The following SELENOI variants were observed in gnomAD, a reference collection of about 807,000 sequenced individuals.
SELENOI encodes the protein ethanolaminephosphotransferase 1.
SELENOI carries 24 observed loss-of-function variants against 50.7 expected under a neutral mutation model. That is an observed-to-expected ratio of 0.47 (90% confidence interval 0.34 to 0.67). The LOEUF (loss-of-function observed/expected upper bound fraction) is 0.67, where lower values mean the gene tolerates loss of function less well. SELENOI is among the 30% of genes least tolerant of loss of function. The probability of loss-of-function intolerance (pLI) is 0.01; values close to 1 mark genes in which losing one functional copy is unlikely to be tolerated. For missense variants in SELENOI, 352 were observed against 461.4 expected (o/e 0.76, Z 2.17); for synonymous variants, 155 against 170.2 (o/e 0.91, Z 0.70).
chr2:26,371,825 C>G (rs949901378), intron 4 of SELENOI, among the ~76,000 whole-genome samples: 2 of 151,940 alleles, frequency 1.3e-5, no homozygotes, highest in African/African-American at 4.8e-5. Flanking sequence ...AGTCCAGCTT[C>G]GGCTCGGCAT....
intron 6 of SELENOI, among the ~76,000 whole-genome samples, chr2:26,380,401 C>T (rs1044351195): frequency 6.6e-6 from 1 of 151,646 alleles, no homozygotes. Flanking sequence ...TGCCTTTTTT[C>T]CTCCCCCCTC....
chr2:26,366,485 A>G (rs1008519249), intron 3 of SELENOI, among the ~76,000 whole-genome samples: 2 of 152,202 alleles, frequency 1.3e-5, no homozygotes, highest in Non-Finnish European at 1.5e-5. Context: ...CCCAAATCAT[A>G]TAAGTTCAAG....
At chr2:26,362,216 C>A (rs1476144551) in intron 1 of SELENOI, among the ~76,000 whole-genome samples, 1 of 151,820 alleles carries the variant, frequency 6.6e-6, no homozygotes, top group East Asian at 2.0e-4. Context: ...AGTACAGGCA[C>A]CTGCCACCGT....
chr2:26,386,278 A>G (rs1677840264), intron 8 of SELENOI, 76 bp from the exon 9 acceptor site: 2 of 1,381,158 alleles, frequency 1.4e-6, no homozygotes, highest in Non-Finnish European at 2.0e-6. Context: ...CAAATGTTGG[A>G]AAGACTAGTT....
rs1176741927 is a variant in SELENOI, at chr2:26,393,560, A to T, written c.*4457A>T. On this transcript the variant is annotated 3_prime_UTR_variant, in exon 10 of 10. Coordinates refer to ENST00000260585, the MANE Select transcript of SELENOI (RefSeq NM_033505.4). ...CCCAGAATTGGAAGGTGCCACATAT[A>T]CTTTTAGAATATTTTAACAAAGGCT... 1 of 152,180 alleles carries T rather than the reference A, an allele frequency of 6.6e-6. No individual in the cohort carries two copies. Among genetic ancestry groups the T allele is most frequent in the Non-Finnish European group, 1.5e-5 (1 of 68,038 alleles). 9.4% of individuals were successfully genotyped at this position (152,180 alleles called of 1,614,324 possible).
chr2:26,352,975 A>G (rs1024549772), intron 1 of SELENOI, among the ~76,000 whole-genome samples: 1 of 152,024 alleles, frequency 6.6e-6, no homozygotes, highest in Non-Finnish European at 1.5e-5. Context: ...CTACCAATGC[A>G]TATGCTTTAT....
intron 1 of SELENOI, among the ~76,000 whole-genome samples, chr2:26,349,205 C>T (rs905312582): frequency 2.0e-5 from 3 of 150,796 alleles, no homozygotes; most frequent in East Asian, 1.9e-4. Flanking sequence ...AGTAGCGGTG[C>T]ATTTCTCCAT....
chr2:26,350,074 T>C (rs1676923719), intron 1 of SELENOI, among the ~76,000 whole-genome samples: 1 of 151,802 alleles, frequency 6.6e-6, no homozygotes, highest in South Asian at 2.1e-4. Context: ...GCCACTGTTT[T>C]GCAGCCTGAG....
At position 26,388,876 on chromosome 2, in the gene SELENOI, A is replaced by G. The variant is rs555786575; in HGVS notation, c.1096-129A>G. On this transcript the variant is annotated intron_variant, in intron 9 of 9. Coordinates refer to ENST00000260585, the MANE Select transcript of SELENOI (RefSeq NM_033505.4). ...TCTATAGCTATCCTAATCCAGAAAA[A>G]CCTTTTCAGTATTTCTCATGATTTT... 141 of 702,412 alleles carry G rather than the reference A, an allele frequency of 2.0e-4. No homozygotes were observed. In the African/African-American group the frequency reaches 2.3e-3, roughly 12 times the overall value. 43.5% of individuals were successfully genotyped at this position (702,412 alleles called of 1,614,324 possible).
chr2:26,375,493 A>T (rs1245498764), intron 6 of SELENOI, among the ~76,000 whole-genome samples: 2 of 152,258 alleles, frequency 1.3e-5, no homozygotes, highest in Non-Finnish European at 2.9e-5. Flanking sequence ...ACTAGTTTGT[A>T]TGAAATACAG....
At chr2:26,360,127 C>T (rs1342649244) in intron 1 of SELENOI, among the ~76,000 whole-genome samples, 1 of 152,144 alleles carries the variant, frequency 6.6e-6, no homozygotes, top group Admixed American at 6.5e-5. Flanking sequence ...ATTAACAAAC[C>T]CAAATCTAGT....
At chr2:26,382,595 C>T (rs1300697610) in intron 6 of SELENOI, among the ~76,000 whole-genome samples, 1 of 152,178 alleles carries the variant, frequency 6.6e-6, no homozygotes, top group African/African-American at 2.4e-5. Context: ...ATAGTGAGGA[C>T]AGCAGAATCA....
chr2:26,373,265 G>T, intron 4 of SELENOI, 102 bp from the exon 5 acceptor site: 1 of 1,357,822 alleles, frequency 7.4e-7, no homozygotes, highest in Non-Finnish European at 1.0e-6. Flanking sequence ...ACATTCCTGT[G>T]ATAAGCTGAT....
intron 6 of SELENOI, among the ~76,000 whole-genome samples, chr2:26,376,340 A>C (rs1036885635): frequency 1.2e-4 from 19 of 152,166 alleles, no homozygotes; most frequent in African/African-American, 4.6e-4. Flanking sequence ...CTTTACCTCA[A>C]AAATGCTATT....
intron 6 of SELENOI, among the ~76,000 whole-genome samples, chr2:26,382,115 C>CAT (rs1677718562): frequency 6.6e-6 from 1 of 152,146 alleles, no homozygotes; most frequent in Admixed American, 6.5e-5. Context: ...TAGTTCAACC[C>CAT]ATCCCCATTG....
At chr2:26,361,094 G>C (rs1053098884) in intron 1 of SELENOI, among the ~76,000 whole-genome samples, 1 of 152,148 alleles carries the variant, frequency 6.6e-6, no homozygotes, top group African/African-American at 2.4e-5. Context: ...GGCGCCTATA[G>C]TCCTAGCTAC....
Position 26,389,979 on chromosome 2 carries a change from C to T in SELENOI, c.*876C>T, listed in dbSNP as rs1365721841. On this transcript the variant is annotated 3_prime_UTR_variant, in exon 10 of 10. Transcript: ENST00000260585. Reference sequence around the variant, plus strand: ...TTGGAGTTAGGAATTTCATGAACCTCACTATGACCAAAATTAATTTTTTGA... The same window carrying T: ...TTGGAGTTAGGAATTTCATGAACCTTACTATGACCAAAATTAATTTTTTGA... 2 of 151,432 alleles carry T rather than the reference C, an allele frequency of 1.3e-5. No homozygotes were observed. The highest frequency in any genetic ancestry group is 2.9e-5 in the Non-Finnish European group (2 of 67,844). 9.4% of individuals were successfully genotyped at this position (151,432 alleles called of 1,614,324 possible).
chr2:26,383,706 T>C (rs1677760819), intron 7 of SELENOI, among the ~76,000 whole-genome samples: 1 of 152,074 alleles, frequency 6.6e-6, no homozygotes, highest in African/African-American at 2.4e-5. Flanking sequence ...GAAACCCGTC[T>C]CTACTAAAAA....
At chr2:26,388,854 A>G (rs1274444800) in intron 9 of SELENOI, 151 bp from the exon 10 acceptor site, 23 of 639,218 alleles carry the variant, frequency 3.6e-5, no homozygotes, top group Non-Finnish European at 5.5e-5. Context: ...GTCTAGTTCT[A>G]TAGCTATCCT....
Sources: allele counts gnomAD v4.1 joint callset (sites outside exome capture counted in the v4.1 genomes callset), GRCh38; gene constraint gnomAD v4.1.1; transcripts MANE v1.5; gene names NCBI Gene and HGNC (gene_info 2026-07-23, HGNC 2026-07-21).